Variants in CCDC148 observed in about 807,000 individuals in gnomAD.
The protein encoded by CCDC148 is coiled-coil domain containing 148.
In CCDC148, 89 loss-of-function variants were observed where a neutral mutation model predicts 85.7. The ratio of observed to expected loss-of-function variants is 1.04; its 90% CI spans 0.87 to 1.24. The LOEUF (loss-of-function observed/expected upper bound fraction) is 1.24, where lower values mean the gene tolerates loss of function less well. CCDC148 is among the 50% of genes most tolerant of loss of function. CCDC148 has a pLI of 0.00. For missense variants in CCDC148, 692 were observed against 671.7 expected, an observed-to-expected ratio of 1.03 and a Z score of -0.33; for synonymous variants, 230 against 213.9, an observed-to-expected ratio of 1.08 and a Z score of -0.66.
At chr2:158,347,930 T>C (rs1052295168) in intron 2 of CCDC148, among the ~76,000 whole-genome samples, 4 of 152,094 alleles carry the variant, frequency 2.6e-5, no homozygotes, top group Non-Finnish European at 5.9e-5. Flanking sequence ...TACAGTAAGA[T>C]GCAATTTCTC....
chr2:158,454,842 CA>C (rs1246725975), intron 1 of CCDC148, among the ~76,000 whole-genome samples: 1 of 152,088 alleles, frequency 6.6e-6, no homozygotes, highest in Non-Finnish European at 1.5e-5. Context: ...CAAAAATAAA[CA>C]AAAAAATTAA....
At chr2:158,291,994 A>C (rs963500819) in intron 9 of CCDC148, among the ~76,000 whole-genome samples, 3 of 152,200 alleles carry the variant, frequency 2.0e-5, no homozygotes, top group African/African-American at 7.2e-5. Flanking sequence ...CAGAAGAATC[A>C]CATTTAACAT....
chr2:158,400,663 C>A (rs1685739096), intron 1 of CCDC148, among the ~76,000 whole-genome samples: 1 of 152,102 alleles, frequency 6.6e-6, no homozygotes. Context: ...GACTTCATGA[C>A]TAAAACACCA....
In CCDC148 at chr2:158,305,403, C is replaced by T. The variant is rs541468290; in HGVS notation, c.1110+4030G>A. On this transcript the variant is annotated intron_variant, in intron 9 of 13. Coordinates refer to ENST00000283233, the MANE Select transcript of CCDC148 (RefSeq NM_138803.4). ...AACCAGTATTGCAGAATGCCCCTTC[C>T]GCTACCAGGCTAGCAAGTGTCTAGT... Among the ~76,000 whole-genome samples, 55 of 152,222 alleles carry T rather than the reference C, an allele frequency of 3.6e-4. 1 individual carries two copies. Among genetic ancestry groups the T allele is most frequent in the African/African-American group, 1.3e-3 (54 of 41,524 alleles).
At chr2:158,190,343 A>T (rs1339392393) in intron 11 of CCDC148, among the ~76,000 whole-genome samples, 1 of 152,016 alleles carries the variant, frequency 6.6e-6, no homozygotes, top group Non-Finnish European at 1.5e-5. Context: ...TTATTTGCCC[A>T]ATTGCCTCTA....
rs564659582 is a variant in CCDC148 at position 158,328,342 on chromosome 2, CTCA to C, written c.764+10381_764+10383del. On this transcript the variant is annotated intron_variant, in intron 7 of 13. Coordinates refer to ENST00000283233, the MANE Select transcript of CCDC148 (RefSeq NM_138803.4). ...TACATGTCCCTACAAAGGACATGAACTCATCATTTTTTATGGCTGCATAGTGTT... is the reference window on the plus strand; with the variant it reads ...TACATGTCCCTACAAAGGACATGAACTCATTTTTTATGGCTGCATAGTGTT... 1.4e-3 allele frequency among the ~76,000 whole-genome samples: 207 copies of C among 152,254 alleles called. 4 individuals carry two copies. The South Asian group carries it at 0.041, about 30-fold the overall frequency.
At chr2:158,320,788 A>T (rs896359526) in intron 7 of CCDC148, among the ~76,000 whole-genome samples, 1 of 152,164 alleles carries the variant, frequency 6.6e-6, no homozygotes, top group African/African-American at 2.4e-5. Flanking sequence ...CCTCTTCATC[A>T]TATAAAACCC....
chr2:158,237,165 G>T (rs760230381), intron 10 of CCDC148, among the ~76,000 whole-genome samples: 26 of 152,118 alleles, frequency 1.7e-4, no homozygotes, highest in Non-Finnish European at 3.5e-4. Context: ...GGTTGCTTGG[G>T]CTGGAGCTCA....
intron 1 of CCDC148, among the ~76,000 whole-genome samples, chr2:158,432,104 C>T (rs183946232): frequency 2.0e-5 from 3 of 151,720 alleles, no homozygotes; most frequent in Admixed American, 2.0e-4. Context: ...CTGTACTGAG[C>T]TAACCTATAA....
chr2:158,387,678 C>T (rs1685147682), intron 1 of CCDC148, among the ~76,000 whole-genome samples: 1 of 152,046 alleles, frequency 6.6e-6, no homozygotes. Context: ...AGCCTGCTTT[C>T]CACTCCAGTT....
At chr2:158,365,902 G>T in intron 1 of CCDC148, 1 of 711,390 alleles carries the variant, frequency 1.4e-6, no homozygotes, top group Non-Finnish European at 2.3e-6. Context: ...TAACCAGAAA[G>T]TGAGCTTTCC....
chr2:158,228,211 TCATC>T (rs1457735338), intron 10 of CCDC148, among the ~76,000 whole-genome samples: 1 of 152,190 alleles, frequency 6.6e-6, no homozygotes, highest in Non-Finnish European at 1.5e-5. Flanking sequence ...GAAAAAATGC[TCATC>T]ATCACTGGGC....
intron 9 of CCDC148, among the ~76,000 whole-genome samples, chr2:158,280,290 T>A (rs1249181094): frequency 6.6e-6 from 1 of 152,156 alleles, no homozygotes; most frequent in Non-Finnish European, 1.5e-5. Context: ...TAGCTTTAAA[T>A]GTAAATGGAC....
At chr2:158,450,297 G>A (rs1409927745) in intron 1 of CCDC148, among the ~76,000 whole-genome samples, 1 of 152,184 alleles carries the variant, frequency 6.6e-6, no homozygotes, top group Non-Finnish European at 1.5e-5. Flanking sequence ...TATTTTCTGA[G>A]GATTTATTTT....
At chr2:158,293,645 T>C (rs954254773) in intron 9 of CCDC148, among the ~76,000 whole-genome samples, 4 of 152,140 alleles carry the variant, frequency 2.6e-5, no homozygotes, top group African/African-American at 9.7e-5. Context: ...GAGGACCCTA[T>C]GGTTGGCCTT....
intron 7 of CCDC148, among the ~76,000 whole-genome samples, chr2:158,328,870 T>A (rs1256163241): frequency 8.5e-5 from 13 of 152,084 alleles, no homozygotes; most frequent in Non-Finnish European, 5.9e-5. Flanking sequence ...TGTTTGTTTT[T>A]TTCTTGTAAA....
chr2:158,406,626 T>TTTTTTTTTTGTTTTTGTTTTTG (rs1559124631), intron 1 of CCDC148, among the ~76,000 whole-genome samples: 6 of 29,858 alleles, frequency 2.0e-4, no homozygotes, highest in African/African-American at 5.9e-4. Context: ...TTTTTTTTTT[T>TTTTTTTTTTGTTTTTGTTTTTG]TTTTTTTTTT....
chr2:158,339,156 A>T, intron 5 of CCDC148, 71 bp from the exon 6 acceptor site: 1 of 1,156,710 alleles, frequency 8.6e-7, no homozygotes, highest in South Asian at 1.3e-5. Flanking sequence ...TAAAGACACA[A>T]TAATTATTCT....
chr2:158,400,800 A>G (rs923856402), intron 1 of CCDC148, among the ~76,000 whole-genome samples: 1 of 152,208 alleles, frequency 6.6e-6, no homozygotes, highest in African/African-American at 2.4e-5. Context: ...AATTTTTGCA[A>G]TCTACTCATC....
Sources: gnomAD v4.1 joint callset for allele counts (sites outside exome capture counted in the v4.1 genomes callset) on GRCh38, gnomAD v4.1.1 for gene constraint, MANE v1.5 for transcripts, NCBI Gene and HGNC (gene_info 2026-07-23, HGNC 2026-07-21) for gene names.